Variants in NFASC observed in about 807,000 individuals in gnomAD.
The protein encoded by NFASC is neurofascin homolog.
In NFASC, 43 loss-of-function variants were observed where a neutral mutation model predicts 147.5. The observed-to-expected ratio is 0.29, with a 90% CI of 0.23 to 0.38. The LOEUF (loss-of-function observed/expected upper bound fraction) is 0.38, where lower values mean the gene tolerates loss of function less well. Ranked by LOEUF, NFASC falls within the 10% of genes least tolerant of loss-of-function variation. The probability of loss-of-function intolerance (pLI) is 1.00; values close to 1 mark genes in which losing one functional copy is unlikely to be tolerated. For missense variants in NFASC, 1,320 were observed against 1,689.0 expected (o/e 0.78, Z 3.83); for synonymous variants, 622 against 665.5 (o/e 0.93, Z 1.01).
intron 21 of NFASC, among the ~76,000 whole-genome samples, chr1:204,983,810 C>T (rs938157432): frequency 6.6e-6 from 1 of 152,186 alleles, no homozygotes; most frequent in Non-Finnish European, 1.5e-5. Context: ...GCCCTCTGAA[C>T]ATGTAGGCAG....
At position 204,877,973 on chromosome 1, in the gene NFASC, G is replaced by T. The variant is rs12044382; in HGVS notation, c.-199-42659G>T. The stretch of plus-strand genomic sequence containing the variant: ...ACTGCAGCCCTTGATGGGTACTTCC[G>T]GACCCAGGCTTCCCAGGCAATAGAG... On this transcript the variant is annotated intron_variant, in intron 1 of 29. Coordinates refer to ENST00000339876, the MANE Select transcript of NFASC (RefSeq NM_001005388.3). Among the ~76,000 whole-genome samples, 384 of 152,204 alleles carry T rather than the reference G, an allele frequency of 2.5e-3. 3 individuals carry two copies. Among genetic ancestry groups the T allele is most frequent in the African/African-American group, 8.7e-3 (361 of 41,512 alleles).
At chr1:204,863,620 G>C (rs1421556220) in intron 1 of NFASC, among the ~76,000 whole-genome samples, 1 of 151,984 alleles carries the variant, frequency 6.6e-6, no homozygotes, top group Non-Finnish European at 1.5e-5. Flanking sequence ...AAGGCCGAGG[G>C]GGGTGGATCA....
intron 23 of NFASC, 94 bp downstream of exon 23, chr1:204,988,900 G>A (rs1489829649): frequency 4.2e-6 from 5 of 1,198,646 alleles, no homozygotes; most frequent in Non-Finnish European, 6.2e-6. Context: ...GCCTGGGATG[G>A]AGAGGAAATG....
chr1:204,871,675 A>C (rs764285765), intron 1 of NFASC, among the ~76,000 whole-genome samples: 2 of 152,172 alleles, frequency 1.3e-5, no homozygotes, highest in African/African-American at 4.8e-5. Flanking sequence ...AAGTGAGAAT[A>C]GTCCCTTTTG....
chr1:204,974,903 C>A, intron 14 of NFASC, 80 bp downstream of exon 14: 1 of 1,430,384 alleles, frequency 7.0e-7, no homozygotes, highest in Non-Finnish European at 9.8e-7. Flanking sequence ...ACAATATTCA[C>A]ATTGAAAATG....
intron 28 of NFASC, 128 bp downstream of exon 28, chr1:205,009,816 T>A (rs1472936827): frequency 2.0e-6 from 2 of 1,000,276 alleles, no homozygotes; most frequent in Non-Finnish European, 2.9e-6. Flanking sequence ...GGATTGGAAA[T>A]ACAATCCTCT....
At chr1:204,988,583 C>T in intron 22 of NFASC, 50 bp from the exon 23 acceptor site, 1 of 1,522,284 alleles carries the variant, frequency 6.6e-7, no homozygotes, top group Non-Finnish European at 9.1e-7. Flanking sequence ...TTATATAACC[C>T]ATCAATAAAT....
At chr1:204,850,526 C>A (rs1280769920) in intron 1 of NFASC, among the ~76,000 whole-genome samples, 3 of 152,178 alleles carry the variant, frequency 2.0e-5, no homozygotes, top group Non-Finnish European at 2.9e-5. Context: ...AGAGGAGGGG[C>A]CTGGTGGGAG....
chr1:204,970,843 G>A (rs1376580631), intron 11 of NFASC, 96 bp downstream of exon 11: 1 of 1,506,370 alleles, frequency 6.6e-7, no homozygotes, highest in Non-Finnish European at 9.1e-7. Flanking sequence ...CACACTAGAA[G>A]TTCAGGAAGA....
chr1:204,882,826 T>A (rs879876616), intron 1 of NFASC, among the ~76,000 whole-genome samples: 9 of 152,188 alleles, frequency 5.9e-5, no homozygotes, highest in Non-Finnish European at 1.2e-4. Flanking sequence ...CAATTCTAAT[T>A]TGAAATTGAA....
chr1:204,897,424 G>A (rs376719805), intron 1 of NFASC, among the ~76,000 whole-genome samples: 1 of 152,102 alleles, frequency 6.6e-6, no homozygotes, highest in Admixed American at 6.5e-5. Flanking sequence ...CCAGTGATAC[G>A]GAGAAAGGAT....
intron 2 of NFASC, among the ~76,000 whole-genome samples, chr1:204,933,807 G>A (rs1193142793): frequency 1.3e-5 from 2 of 151,994 alleles, no homozygotes; most frequent in East Asian, 3.9e-4. Context: ...TGCATATATA[G>A]GGAGGCTGTG....
In NFASC at chr1:204,987,231, A is replaced by C; in HGVS notation, c.2471-187A>C. 1 of 599,030 alleles carries C rather than the reference A, an allele frequency of 1.7e-6. No homozygotes were observed. Among genetic ancestry groups the C allele is most frequent in the South Asian group, 2.1e-5 (1 of 48,104 alleles). The allele number at this position is 599,030 out of a possible 1,614,324, so 37.1% of individuals were successfully genotyped here. ...ATGTTTGTCCTCAGACCTGAAGGAA[A>C]TAGCATCCTGGATGGGGCAATGGGC... is the stretch of plus-strand genomic sequence containing the variant. On this transcript the variant is annotated intron_variant, in intron 21 of 29. Coordinates refer to ENST00000339876, the MANE Select transcript of NFASC (RefSeq NM_001005388.3). The surrounding 1 kb of genome is among the most constrained non-coding windows in gnomAD (Gnocchi z 4.4).
At chr1:204,943,637 A>C (rs12758745) in intron 2 of NFASC, among the ~76,000 whole-genome samples, 39,323 of 152,120 alleles carry the variant, frequency 0.26, 5,277 homozygotes, top group Non-Finnish European at 0.29. Context: ...CATGATCCCC[A>C]GTCCTGCCAA....
At chr1:204,883,977 C>T (rs997094419) in intron 1 of NFASC, among the ~76,000 whole-genome samples, 1 of 152,162 alleles carries the variant, frequency 6.6e-6, no homozygotes, top group African/African-American at 2.4e-5. Flanking sequence ...AGGTGGGTAA[C>T]CCAGTGGGGA....
At chr1:204,874,410 G>C (rs1365102002) in intron 1 of NFASC, among the ~76,000 whole-genome samples, 1 of 152,220 alleles carries the variant, frequency 6.6e-6, no homozygotes, top group African/African-American at 2.4e-5. Context: ...GTGTACGCCA[G>C]GCTTCTGACT....
chr1:204,845,204 G>A (rs1017923057), intron 1 of NFASC, among the ~76,000 whole-genome samples: 37 of 151,712 alleles, frequency 2.4e-4, no homozygotes, highest in Admixed American at 2.0e-3. Context: ...AAGTGGCGGT[G>A]TATGTCCGAG....
intron 8 of NFASC, among the ~76,000 whole-genome samples, chr1:204,966,543 T>C (rs2094960199): frequency 6.6e-6 from 1 of 152,166 alleles, no homozygotes; most frequent in Admixed American, 6.5e-5. Context: ...GAGGAAGCTG[T>C]TGGTGTCAGG....
chr1:204,866,202 G>C (rs536463339), intron 1 of NFASC, among the ~76,000 whole-genome samples: 1 of 152,294 alleles, frequency 6.6e-6, no homozygotes, highest in East Asian at 1.9e-4. Context: ...TCTGGCTGGT[G>C]GAAGAGGCAG....
Sources: allele counts gnomAD v4.1 joint callset (sites outside exome capture counted in the v4.1 genomes callset), GRCh38; gene constraint gnomAD v4.1.1; non-coding constraint Gnocchi (gnomAD v3.1); transcripts MANE v1.5; gene names NCBI Gene and HGNC (gene_info 2026-07-23, HGNC 2026-07-21).